Variants in ZNF430 observed in about 807,000 individuals in gnomAD.
The protein encoded by ZNF430 is zinc finger protein 430.
Under a neutral mutation model 56.7 loss-of-function variants are expected in ZNF430, and 35 were observed. The ratio of observed to expected loss-of-function variants is 0.62; its 90% confidence interval spans 0.47 to 0.82. The LOEUF is 0.82. Among genes scored for constraint, ZNF430 ranks in the 40% least tolerant of loss-of-function variants. The pLI, the probability that ZNF430 is intolerant of heterozygous loss-of-function variation, is 0.00. For synonymous variants in ZNF430, 212 were observed against 224.3 expected (o/e 0.94, Z 0.49); for missense variants, 574 against 661.0 (o/e 0.87, Z 1.44).
At position 21,025,762 on chromosome 19, in the gene ZNF430, CTTT is replaced by C. The variant is rs35823197; in HGVS notation, c.96+2897_96+2899del. 7.9e-3 allele frequency among the ~76,000 whole-genome samples: 1,015 copies of C among 128,968 alleles called. 14 individuals are homozygous for C. Among genetic ancestry groups the C allele is most frequent in the African/African-American group, 0.027 (927 of 34,154 alleles). 84.6% of individuals were successfully genotyped at this position (128,968 alleles called of 152,430 possible). On this transcript the variant is annotated intron_variant, in intron 2 of 4. Transcript: ENST00000261560. ...CCACCATGCCTGGCTAATTTTTGTA[CTTT>C]TTTTTTTTTTTTTTTCAGTCCAATC...
chr19:21,056,607 A>T, intron 4 of ZNF430, 24 bp from the exon 5 acceptor site: 1 of 1,475,146 alleles, frequency 6.8e-7, no homozygotes, highest in Non-Finnish European at 9.0e-7. Context: ...AAATGGAGTA[A>T]TTTGTTATTT....
intron 4 of ZNF430, among the ~76,000 whole-genome samples, chr19:21,046,356 A>G (rs2144778977): frequency 6.6e-6 from 1 of 150,906 alleles, no homozygotes; most frequent in Non-Finnish European, 1.5e-5. Context: ...TAATATTGCT[A>G]TGTGTGAATT....
Position 21,057,652 on chromosome 19 carries a change from G to A in ZNF430, c.1344G>A (p.Lys448=). ...FNESSNLTAH[K]IIHTGEKPYK... ...AGTCCTCAAACCTTACTGCACATAA[G>A]ATAATTCATACTGGAGAGAAACCCT... is the stretch of plus-strand genomic sequence containing the variant. Residue 448 remains lysine (K), a synonymous_variant, in exon 5 of 5, where the codon AAG becomes AAA. Transcript: ENST00000261560. The A allele has an allele frequency of 6.2e-7, 1 of 1,611,820 alleles. No individual in the cohort carries two copies. Among genetic ancestry groups the A allele is most frequent in the Non-Finnish European group, 8.5e-7 (1 of 1,179,422 alleles).
intron 4 of ZNF430, among the ~76,000 whole-genome samples, chr19:21,040,267 C>T (rs1381090551): frequency 6.6e-6 from 1 of 152,136 alleles, no homozygotes; most frequent in Non-Finnish European, 1.5e-5. Context: ...GTCTGTGGTA[C>T]AGTTTGGATG....
intron 4 of ZNF430, among the ~76,000 whole-genome samples, chr19:21,043,481 T>C (rs1968141417): frequency 6.7e-6 from 1 of 148,644 alleles, no homozygotes; most frequent in Admixed American, 7.0e-5. Context: ...GGTCTATGTG[T>C]ATGTTTTTAT....
In ZNF430 at chr19:21,059,924, G is replaced by A. The variant is rs1198073397; in HGVS notation, c.*1903G>A. The A allele has an allele frequency of 6.6e-6, 1 of 151,764 alleles. No homozygotes were observed. Among genetic ancestry groups the A allele is most frequent in the Non-Finnish European group, 1.5e-5 (1 of 67,930 alleles). The allele number at this position is 151,764 out of a possible 1,614,324, so 9.4% of individuals were successfully genotyped here. A position where few individuals can be genotyped will look rare whatever the true frequency, so the allele number is the denominator to read the frequency against. ...TTTATATTGAATAATGCATTAGGTA[G>A]GTGTTCAGAGTAATATTTTGCGTTG... On this transcript the variant is annotated 3_prime_UTR_variant, in exon 5 of 5. Coordinates refer to ENST00000261560, the MANE Select transcript of ZNF430 (RefSeq NM_025189.4).
At chr19:21,049,173 C>CAAAAAAAAAAAAA (rs746043747) in intron 4 of ZNF430, among the ~76,000 whole-genome samples, 2 of 65,256 alleles carry the variant, frequency 3.1e-5, no homozygotes, top group Non-Finnish European at 2.5e-5. Flanking sequence ...GACTCCATCT[C>CAAAAAAAAAAAAA]AAAAAAAAAA....
Position 21,020,707 on chromosome 19 carries a change from C to T in ZNF430, c.-94C>T. 3 of 1,559,540 alleles carry T rather than the reference C, an allele frequency of 1.9e-6. No homozygotes were observed. The highest frequency in any genetic ancestry group is 3.4e-5 in the Admixed American group (2 of 59,644). On this transcript the variant is annotated 5_prime_UTR_variant, in exon 1 of 5. Coordinates refer to ENST00000261560, the MANE Select transcript of ZNF430 (RefSeq NM_025189.4). Reference sequence around the variant, plus strand: ...GGTCTCGTCTTCAGCGCTCTGTGTCCTCTGCTCCTAGAGGTCCAGGCTCTG... The same window carrying T: ...GGTCTCGTCTTCAGCGCTCTGTGTCTTCTGCTCCTAGAGGTCCAGGCTCTG...
intron 4 of ZNF430, among the ~76,000 whole-genome samples, chr19:21,040,225 G>A (rs887725354): frequency 6.6e-6 from 1 of 152,172 alleles, no homozygotes; most frequent in Non-Finnish European, 1.5e-5. Context: ...CTTTTAACTG[G>A]AAAGTTTTGT....
chr19:21,020,776 G>C lies in ZNF430; in HGVS notation c.-25G>C, dbSNP rs201861755. 19 of 1,613,470 alleles carry C rather than the reference G, an allele frequency of 1.2e-5. No homozygotes were observed. The Middle Eastern group carries it at 8.2e-4, about 70-fold the overall frequency. On this transcript the variant is annotated 5_prime_UTR_variant, in exon 1 of 5. Coordinates refer to ENST00000261560, the MANE Select transcript of ZNF430 (RefSeq NM_025189.4). The stretch of plus-strand genomic sequence containing the variant: ...GTATTGGGAGATCTACAGCTAAGAC[G>C]CCAGGAACCCCTGGAAGCCTAGAAA...
At chr19:21,026,249 C>A (rs1967793156) in intron 2 of ZNF430, among the ~76,000 whole-genome samples, 1 of 151,450 alleles carries the variant, frequency 6.6e-6, no homozygotes, top group South Asian at 2.1e-4. Flanking sequence ...AGTTCAGTGG[C>A]ACGATCTCAG....
In ZNF430 at chr19:21,020,760, G is replaced by T. The variant is rs532662035; in HGVS notation, c.-41G>T. On this transcript the variant is annotated 5_prime_UTR_variant, in exon 1 of 5. Coordinates refer to ENST00000261560, the MANE Select transcript of ZNF430 (RefSeq NM_025189.4). ...GCCCTGTGACCCGCAGGTATTGGGA[G>T]ATCTACAGCTAAGACGCCAGGAACC... 4.2e-5 allele frequency: 68 copies of T among 1,613,156 alleles called. No individual in the cohort carries two copies. In the East Asian group the frequency reaches 1.4e-3, roughly 34 times the overall value.
chr19:21,024,933 T>G (rs1025045034), intron 2 of ZNF430, among the ~76,000 whole-genome samples: 1 of 152,156 alleles, frequency 6.6e-6, no homozygotes, highest in Non-Finnish European at 1.5e-5. Context: ...TAGCTCCAAG[T>G]TCAGGAGCCT....
At chr19:21,042,693 T>G in intron 4 of ZNF430, among the ~76,000 whole-genome samples, 1 of 150,986 alleles carries the variant, frequency 6.6e-6, no homozygotes, top group African/African-American at 2.4e-5. Context: ...GAGGCTGAGG[T>G]AGGAGAATGG....
At chr19:21,050,071 A>G (rs1035714025) in intron 4 of ZNF430, among the ~76,000 whole-genome samples, 4 of 112,382 alleles carry the variant, frequency 3.6e-5, no homozygotes, top group Non-Finnish European at 7.6e-5. Flanking sequence ...TTTTCAGTAG[A>G]GGCAGGGTTT....
At chr19:21,034,059 G>A in intron 3 of ZNF430, 27 bp from the exon 4 acceptor site, 1 of 1,565,008 alleles carries the variant, frequency 6.4e-7, no homozygotes, top group South Asian at 1.1e-5. Flanking sequence ...ATATGAGAAA[G>A]ATTCATGTTA....
chr19:21,039,301 C>T (rs1968059692), intron 4 of ZNF430, among the ~76,000 whole-genome samples: 1 of 150,410 alleles, frequency 6.6e-6, no homozygotes, highest in South Asian at 2.1e-4. Flanking sequence ...TCCTATGTTG[C>T]CCATGCTAGT....
At chr19:21,052,755 C>G (rs192654589) in intron 4 of ZNF430, among the ~76,000 whole-genome samples, 1 of 152,236 alleles carries the variant, frequency 6.6e-6, no homozygotes, top group East Asian at 1.9e-4. Context: ...TTAGCTGAGT[C>G]TTGTAGAAAG....
chr19:21,039,641 A>G (rs965753745), intron 4 of ZNF430, among the ~76,000 whole-genome samples: 4 of 151,294 alleles, frequency 2.6e-5, no homozygotes, highest in South Asian at 2.1e-4. Flanking sequence ...TAATTTTTGT[A>G]TTTTTGTAGA....
Sources: allele counts gnomAD v4.1 joint callset (sites outside exome capture counted in the v4.1 genomes callset), GRCh38; gene constraint gnomAD v4.1.1; transcripts MANE v1.5; gene names NCBI Gene and HGNC (gene_info 2026-07-23, HGNC 2026-07-21).